TRAK1: variants seen among roughly 807,000 people sequenced by gnomAD.
The protein encoded by TRAK1 is trafficking kinesin protein 1.
Under a neutral mutation model 92.1 loss-of-function variants are expected in TRAK1, and 33 were observed. That is an observed-to-expected ratio of 0.36 (90% CI 0.27 to 0.48). TRAK1 has a LOEUF of 0.48. Ranked by LOEUF, TRAK1 falls within the 20% of genes least tolerant of loss-of-function variation. The probability of loss-of-function intolerance (pLI) is 0.99; values close to 1 mark genes in which losing one functional copy is unlikely to be tolerated. For missense variants in TRAK1, 1,123 were observed against 1,257.9 expected, an observed-to-expected ratio of 0.89 and a Z score of 1.62; for synonymous variants, 521 against 517.3, an observed-to-expected ratio of 1.01 and a Z score of -0.10.
intron 1 of TRAK1, among the ~76,000 whole-genome samples, 189 bp downstream of exon 1, chr3:42,091,749 C>T (rs989820849): frequency 1.3e-5 from 2 of 152,104 alleles, no homozygotes; most frequent in Non-Finnish European, 2.9e-5. Flanking sequence ...GACACAACTA[C>T]TGCCCTCACC....
rs1415998332 is a variant in TRAK1 at position 42,013,957 on chromosome 3, A to C, written c.-679A>C. On this transcript the variant is annotated 5_prime_UTR_variant, in exon 1 of 17. Transcript: ENST00000487159. This position sits in a 1 kb window ranked among gnomAD's most constrained non-coding sequence, Gnocchi z 5.1. ...GCAGGAGGCGGCGGCGCCAGAGCGG[A>C]GCCCCCGCGAGTGCCCCCGTGCCGC... is the stretch of plus-strand genomic sequence containing the variant. The C allele has an allele frequency of 2.7e-5, 4 of 150,098 alleles. No homozygotes were observed. The highest frequency in any genetic ancestry group is 9.8e-5 in the African/African-American group (4 of 40,932). The allele number at this position is 150,098 out of a possible 1,614,324, so 9.3% of individuals were successfully genotyped here.
Position 42,177,265 on chromosome 3 carries a change from C to G in TRAK1, c.363+375C>G, listed in dbSNP as rs79217818. ...TAATGTATTTAAGTTTTTACTTAGGCTAGTGGAATATTGTGCAGTGTCAGC... is the reference window on the plus strand; with the variant it reads ...TAATGTATTTAAGTTTTTACTTAGGGTAGTGGAATATTGTGCAGTGTCAGC... On this transcript the variant is annotated intron_variant, in intron 3 of 15. Transcript: ENST00000327628. Among the ~76,000 whole-genome samples, 59 of 152,216 alleles carry G rather than the reference C, an allele frequency of 3.9e-4. No homozygotes were observed. In the East Asian group the frequency reaches 0.011, roughly 27 times the overall value.
intron 1 of TRAK1, among the ~76,000 whole-genome samples, chr3:42,053,472 G>A (rs185843364): frequency 6.6e-6 from 1 of 151,866 alleles, no homozygotes; most frequent in East Asian, 1.9e-4. Context: ...CAGCCTTCTT[G>A]GGGGAGCTGG....
At chr3:42,024,154 T>G (rs1467868127) in intron 1 of TRAK1, among the ~76,000 whole-genome samples, 1 of 152,108 alleles carries the variant, frequency 6.6e-6, no homozygotes, top group East Asian at 1.9e-4. Context: ...TTGGGGACCA[T>G]TCCTGTGTAG....
rs73828572 is a variant in TRAK1, at chr3:42,152,169, G to T, written c.287-24645G>T. 1.2e-3 allele frequency among the ~76,000 whole-genome samples: 188 copies of T among 152,266 alleles called. 1 individual carries two copies. The highest frequency in any genetic ancestry group is 4.3e-3 in the African/African-American group (178 of 41,548). On this transcript the variant is annotated intron_variant, in intron 2 of 15. Coordinates refer to ENST00000327628, the MANE Select transcript of TRAK1 (RefSeq NM_001042646.3). ...CTGTTTATTAATGTTTGTTGTGGGG[G>T]TCTTCTATTCAGCACCCATCTCTGC...
intron 2 of TRAK1, among the ~76,000 whole-genome samples, chr3:42,168,791 C>CA: frequency 6.6e-6 from 1 of 152,020 alleles, no homozygotes; most frequent in East Asian, 1.9e-4. Flanking sequence ...AGGCTGGTCT[C>CA]AAACTCTTGG....
intron 3 of TRAK1, among the ~76,000 whole-genome samples, chr3:42,181,505 C>T (rs1703998793): frequency 6.6e-6 from 1 of 152,232 alleles, no homozygotes; most frequent in Non-Finnish European, 1.5e-5. Context: ...GATCATGCCA[C>T]TGCACTCCAG....
intron 2 of TRAK1, among the ~76,000 whole-genome samples, chr3:42,129,383 A>G (rs1455527310): frequency 1.3e-5 from 2 of 152,110 alleles, no homozygotes; most frequent in African/African-American, 2.4e-5. Context: ...CCAGCTACAC[A>G]TTGCTATGCA....
Position 42,154,347 on chromosome 3 carries a change from G to C in TRAK1, c.287-22467G>C, listed in dbSNP as rs1450864854. ...ATCACCATGCCTGGCTTATTTTTGT[G>C]TTTTTAGTAGAGATGGAGTTTCACC... On this transcript the variant is annotated intron_variant, in intron 2 of 15. Coordinates refer to ENST00000327628, the MANE Select transcript of TRAK1 (RefSeq NM_001042646.3). Among the ~76,000 whole-genome samples, 3 of 151,818 alleles carry C rather than the reference G, an allele frequency of 2.0e-5. No homozygotes were observed. The East Asian group carries it at 5.8e-4, about 29-fold the overall frequency.
At chr3:42,213,716 G>C (rs982029046) in intron 14 of TRAK1, among the ~76,000 whole-genome samples, 2 of 152,196 alleles carry the variant, frequency 1.3e-5, no homozygotes, top group African/African-American at 4.8e-5. Flanking sequence ...GTGAGAAGTT[G>C]GTTTGGGGGC....
chr3:42,200,600 G>C (rs913318117), intron 11 of TRAK1, among the ~76,000 whole-genome samples: 2 of 152,066 alleles, frequency 1.3e-5, no homozygotes, highest in African/African-American at 4.8e-5. Flanking sequence ...CCATGCGTTC[G>C]AGTCCTGGGT....
At chr3:42,218,492 G>A (rs900572883) in intron 14 of TRAK1, 1 of 984,638 alleles carries the variant, frequency 1.0e-6, no homozygotes, top group African/African-American at 1.8e-5. Flanking sequence ...CATCGTGCAT[G>A]CTATTTCGGG....
At position 42,172,541 on chromosome 3, in the gene TRAK1, G is replaced by T. The variant is rs1185268849; in HGVS notation, c.287-4273G>T. On this transcript the variant is annotated intron_variant, in intron 2 of 15. Coordinates refer to ENST00000327628, the MANE Select transcript of TRAK1 (RefSeq NM_001042646.3). ...CATTGCTGCACACTGGAGCCAAAAT[G>T]CTTCTGAAATATAAACCTTATTGCA... Among the ~76,000 whole-genome samples, 3 of 152,276 alleles carry T rather than the reference G, an allele frequency of 2.0e-5. No individual in the cohort carries two copies. The East Asian group carries it at 5.8e-4, about 29-fold the overall frequency.
At chr3:42,194,965 C>A (rs184870601) in intron 10 of TRAK1, 24 bp downstream of exon 10, 1 of 1,612,286 alleles carries the variant, frequency 6.2e-7, no homozygotes, top group African/African-American at 1.3e-5. Context: ...TCTTCCCAGC[C>A]AGAGGACAGG....
At chr3:42,026,805 G>A (rs1413198611) in intron 1 of TRAK1, among the ~76,000 whole-genome samples, 7 of 152,126 alleles carry the variant, frequency 4.6e-5, no homozygotes, top group African/African-American at 7.2e-5. Context: ...GATTACAGGC[G>A]TGAGCCACTG....
intron 1 of TRAK1, among the ~76,000 whole-genome samples, chr3:42,113,158 A>G (rs1708689679): frequency 6.6e-6 from 1 of 152,176 alleles, no homozygotes; most frequent in Non-Finnish European, 1.5e-5. Flanking sequence ...AGGTGGGCGG[A>G]TCAGTTAAGC....
intron 1 of TRAK1, among the ~76,000 whole-genome samples, chr3:42,114,713 T>G (rs113014314): frequency 4.3e-3 from 654 of 152,072 alleles, no homozygotes; most frequent in Middle Eastern, 0.02. Context: ...CATACTTAAT[T>G]TTTTTTTCTT....
At position 42,165,837 on chromosome 3, in the gene TRAK1, G is replaced by A. The variant is rs149577079; in HGVS notation, c.287-10977G>A. On this transcript the variant is annotated intron_variant, in intron 2 of 15. Transcript: ENST00000327628. ...TCCTCAGTATCCATGGCTACCCCACGCAGGCCTCCTGTGGGGTCAGTCTCT... is the reference window on the plus strand; with the variant it reads ...TCCTCAGTATCCATGGCTACCCCACACAGGCCTCCTGTGGGGTCAGTCTCT... 5.4e-3 allele frequency among the ~76,000 whole-genome samples: 823 copies of A among 152,128 alleles called. 14 individuals carry two copies. Among genetic ancestry groups the A allele is most frequent in the African/African-American group, 0.019 (785 of 41,490 alleles).
intron 1 of TRAK1, among the ~76,000 whole-genome samples, chr3:42,048,218 GAGAT>G (rs762256825): frequency 6.6e-6 from 1 of 152,010 alleles, no homozygotes; most frequent in African/African-American, 2.4e-5. Context: ...TATCTACTGA[GAGAT>G]AGGCCGTTGA....
Sources: allele counts gnomAD v4.1 joint callset (sites outside exome capture counted in the v4.1 genomes callset), GRCh38; gene constraint gnomAD v4.1.1; non-coding constraint Gnocchi (gnomAD v3.1); transcripts MANE v1.5; gene names NCBI Gene and HGNC (gene_info 2026-07-23, HGNC 2026-07-21).